Variants in DLG2 observed in about 807,000 individuals in gnomAD.
The protein encoded by DLG2 is discs large MAGUK scaffold protein 2, also known as disks large homolog 2.
DLG2 carries 45 observed loss-of-function variants against 132.5 expected under a neutral mutation model. That is an observed-to-expected ratio of 0.34 (90% confidence interval 0.27 to 0.44). The LOEUF is 0.44. DLG2 is among the 20% of genes least tolerant of loss of function. The pLI is 1.00. For synonymous variants in DLG2, 424 were observed against 419.6 expected (o/e 1.01, Z -0.13); for missense variants, 1,045 against 1,196.9 (o/e 0.87, Z 1.87).
intron 9 of DLG2, among the ~76,000 whole-genome samples, chr11:84,156,208 A>G (rs1367272756): frequency 6.6e-6 from 1 of 152,192 alleles, no homozygotes; most frequent in Admixed American, 6.5e-5. Flanking sequence ...AGCCATAGAC[A>G]ACTTTGATAT....
At chr11:85,044,841 A>C (rs986146680) in intron 6 of DLG2, among the ~76,000 whole-genome samples, 16 of 152,066 alleles carry the variant, frequency 1.1e-4, no homozygotes, top group Non-Finnish European at 2.2e-4. Flanking sequence ...TACTATTTTC[A>C]TGAAAATGTT....
chr11:84,075,304 A>G (rs956030289), intron 10 of DLG2, among the ~76,000 whole-genome samples: 2 of 152,310 alleles, frequency 1.3e-5, no homozygotes, highest in African/African-American at 4.8e-5. Context: ...CAGAAAATAT[A>G]TTTGTATATT....
At chr11:85,457,521 G>A (rs2092462208) in intron 3 of DLG2, among the ~76,000 whole-genome samples, 1 of 152,070 alleles carries the variant, frequency 6.6e-6, no homozygotes, top group African/African-American at 2.4e-5. Context: ...TTGTGTTGTT[G>A]CTTTATAGTG....
At chr11:85,140,690 AC>A (rs1464089025) in intron 5 of DLG2, among the ~76,000 whole-genome samples, 4 of 151,430 alleles carry the variant, frequency 2.6e-5, no homozygotes, top group Non-Finnish European at 4.4e-5. Flanking sequence ...ATCTAACTAT[AC>A]TTTTATATAA....
intron 6 of DLG2, among the ~76,000 whole-genome samples, chr11:85,004,425 G>A (rs1319975238): frequency 6.6e-6 from 1 of 152,162 alleles, no homozygotes; most frequent in African/African-American, 2.4e-5. Flanking sequence ...GCTGGTGTGA[G>A]ATGGTGTCTC....
chr11:84,458,626 CTTTT>C (rs540737365), intron 7 of DLG2, among the ~76,000 whole-genome samples: 1 of 150,646 alleles, frequency 6.6e-6, no homozygotes, highest in Non-Finnish European at 1.5e-5. Flanking sequence ...AATATAATAA[CTTTT>C]TTTATTTGTG....
chr11:85,509,841 T>C (rs193290548), intron 3 of DLG2: 13 of 152,106 alleles, frequency 8.5e-5, no homozygotes, highest in South Asian at 4.1e-4. Context: ...ACACTATGAA[T>C]GCATATAACT....
At position 85,513,305 on chromosome 11, in the gene DLG2, A is replaced by T. The variant is rs898840098; in HGVS notation, c.40+85352T>A. On this transcript the variant is annotated intron_variant, in intron 3 of 27. Coordinates refer to ENST00000376104, the MANE Select transcript of DLG2 (RefSeq NM_001142699.3). ...ACCTCAACGTCATACAATATACCCA[A>T]ATAACAGACCTGCATATGTACCCTC... is the stretch of plus-strand genomic sequence containing the variant. 2.2e-4 allele frequency among the ~76,000 whole-genome samples: 33 copies of T among 152,142 alleles called. 1 individual carries two copies. Among genetic ancestry groups the T allele is most frequent in the African/African-American group, 7.7e-4 (32 of 41,558 alleles).
chr11:84,355,188 G>A (rs1043629093), intron 7 of DLG2, among the ~76,000 whole-genome samples: 4 of 152,076 alleles, frequency 2.6e-5, no homozygotes, highest in African/African-American at 9.7e-5. Flanking sequence ...CTTGTGCTAG[G>A]ATTTGAAGGA....
At chr11:85,169,145 G>T (rs560951206) in intron 4 of DLG2, among the ~76,000 whole-genome samples, 1 of 152,030 alleles carries the variant, frequency 6.6e-6, no homozygotes, top group Non-Finnish European at 1.5e-5. Context: ...CAATGGGAAC[G>T]CTATAAAAAT....
In DLG2 at chr11:83,874,313, AAGGG is replaced by A. The variant is rs375866162; in HGVS notation, c.1565+103_1565+106del. Reference sequence around the variant, plus strand: ...GAAGGGAGGAAGGAAGGAAAGAAGGAAGGGAGGGAGGGAGGGAAGGAGAAAGAGA... The same window carrying A: ...GAAGGGAGGAAGGAAGGAAAGAAGGAAGGGAGGGAGGGAAGGAGAAAGAGA... On this transcript the variant is annotated intron_variant, in intron 16 of 27. Transcript: ENST00000376104. The A allele has an allele frequency of 3.1e-4, 185 of 593,608 alleles. 1 individual carries two copies. The South Asian group carries it at 7.7e-3, about 25-fold the overall frequency. 36.8% of individuals were successfully genotyped at this position (593,608 alleles called of 1,614,324 possible).
chr11:85,176,143 C>G (rs1161317949), intron 4 of DLG2, among the ~76,000 whole-genome samples: 3 of 152,070 alleles, frequency 2.0e-5, no homozygotes, highest in African/African-American at 4.8e-5. Flanking sequence ...CAAAAAGGAG[C>G]CTGGATAACC....
chr11:85,430,109 CA>C lies in DLG2; in HGVS notation c.41-144745del, dbSNP rs577788775. ...CACTCTCAGCAAACTATCGCAAGGACAAAAAAACCAAACACCACATGTTCTC... is the reference window on the plus strand; with the variant it reads ...CACTCTCAGCAAACTATCGCAAGGACAAAAAACCAAACACCACATGTTCTC... On this transcript the variant is annotated intron_variant, in intron 3 of 27. Transcript: ENST00000376104. 3.0e-3 allele frequency among the ~76,000 whole-genome samples: 452 copies of C among 148,222 alleles called. 1 individual carries two copies. Among genetic ancestry groups the C allele is most frequent in the African/African-American group, 0.011 (436 of 40,392 alleles).
At chr11:84,736,449 T>C (rs1472049153) in intron 6 of DLG2, among the ~76,000 whole-genome samples, 4 of 151,940 alleles carry the variant, frequency 2.6e-5, no homozygotes, top group Non-Finnish European at 5.9e-5. Context: ...TGTGTGGAAT[T>C]GTGTTGAATC....
At chr11:84,801,497 G>A (rs1049708247) in intron 6 of DLG2, among the ~76,000 whole-genome samples, 3 of 152,180 alleles carry the variant, frequency 2.0e-5, no homozygotes, top group African/African-American at 7.2e-5. Flanking sequence ...CGTGAAGGGC[G>A]CTTGCAGTGA....
intron 15 of DLG2, among the ~76,000 whole-genome samples, chr11:83,899,036 A>T (rs1033224475): frequency 3.3e-5 from 5 of 152,194 alleles, no homozygotes; most frequent in African/African-American, 7.2e-5. Context: ...GGCTGAATTT[A>T]TACTGTCTGT....
At chr11:84,813,175 T>TAC (rs61332466) in intron 6 of DLG2, among the ~76,000 whole-genome samples, 14,289 of 151,018 alleles carry the variant, frequency 0.095, 712 homozygotes, top group Middle Eastern at 0.12. Flanking sequence ...ATTAAATACA[T>TAC]ACACACACAC....
At chr11:84,559,471 C>T (rs943695536) in intron 6 of DLG2, among the ~76,000 whole-genome samples, 25 of 152,088 alleles carry the variant, frequency 1.6e-4, no homozygotes, top group African/African-American at 4.1e-4. Flanking sequence ...ACTGTTGGCA[C>T]GAGAAGTTTC....
At chr11:84,532,116 C>CCT (rs1565211965) in intron 7 of DLG2, among the ~76,000 whole-genome samples, 1 of 69,918 alleles carries the variant, frequency 1.4e-5, no homozygotes, top group Non-Finnish European at 3.0e-5. Flanking sequence ...TTGTTCTGTT[C>CCT]ATTTTTTTTT....
Sources: allele counts gnomAD v4.1 joint callset (sites outside exome capture counted in the v4.1 genomes callset), GRCh38; gene constraint gnomAD v4.1.1; transcripts MANE v1.5; gene names NCBI Gene and HGNC (gene_info 2026-07-23, HGNC 2026-07-21).